The following DAZL variants were observed in gnomAD, a reference collection of about 807,000 sequenced individuals.
DAZL encodes the protein deleted in azoospermia like, also known as deleted in azoospermia-like.
Under a neutral mutation model 45.0 loss-of-function variants are expected in DAZL, and 4 were observed. The ratio of observed to expected loss-of-function variants is 0.09; its 90% CI spans 0.04 to 0.20. The LOEUF is 0.20. Ranked by LOEUF, DAZL falls within the 10% of genes least tolerant of loss-of-function variation. The pLI, the probability that DAZL is intolerant of heterozygous loss-of-function variation, is 1.00. For missense variants in DAZL, 326 were observed against 351.3 expected (o/e 0.93, Z 0.58); for synonymous variants, 122 against 112.4 (o/e 1.09, Z -0.54).
At chr3:16,601,833 T>G (rs1039706492) in intron 1 of DAZL, among the ~76,000 whole-genome samples, 7 of 152,214 alleles carry the variant, frequency 4.6e-5, no homozygotes, top group African/African-American at 1.7e-4. Context: ...CTTGTTATAT[T>G]TGGACAACCA....
At chr3:16,603,681 A>T (rs1694728220) in intron 1 of DAZL, among the ~76,000 whole-genome samples, 2 of 152,194 alleles carry the variant, frequency 1.3e-5, no homozygotes, top group African/African-American at 4.8e-5. Context: ...AAAAGTATTC[A>T]TCATAAGCGA....
chr3:16,588,634 C>T lies in DAZL; in HGVS notation c.*26G>A. 1 of 1,584,816 alleles carries T rather than the reference C, an allele frequency of 6.3e-7. No individual in the cohort carries two copies. Among genetic ancestry groups the T allele is most frequent in the Non-Finnish European group, 8.7e-7 (1 of 1,153,900 alleles). Reference sequence around the variant, plus strand: ...CTTAATATTCAAAACCAGCAACTTCCCATGTAACTAGATAAGCCAGGAGGA... The same window carrying T: ...CTTAATATTCAAAACCAGCAACTTCTCATGTAACTAGATAAGCCAGGAGGA... On this transcript the variant is annotated 3_prime_UTR_variant, in exon 11 of 11. Transcript: ENST00000399444.
rs121918346 is a variant in DAZL, at chr3:16,598,169, T to G, written c.160A>C (p.Thr54Pro). ...CTAGCAAAGAAGCTTCTAATCTCAG[T>G]TTCATCCATCTATGGAAAAGAATTG... Reference protein sequence around the residue: ...VGGIDVRMDETEIRSFFARYG... With the variant: ...VGGIDVRMDEPEIRSFFARYG... The change falls in exon 3 of 11, where the codon ACT (threonine) becomes CCT (proline). Residue 54 changes from threonine to proline, a missense_variant. This residue lies in a region of DAZL where 81 missense variants were observed against 89.6 expected (regional missense o/e 0.90). Coordinates refer to ENST00000399444, the MANE Select transcript of DAZL (RefSeq NM_001351.4). 1.3e-6 allele frequency: 2 copies of G among 1,595,384 alleles called. No individual in the cohort carries two copies.
At chr3:16,604,693 T>A (rs1575421691) in intron 1 of DAZL, 3 of 1,355,064 alleles carry the variant, frequency 2.2e-6, no homozygotes, top group African/African-American at 1.5e-5. Flanking sequence ...CCTCGAAGTT[T>A]AAGAAGGCAA....
chr3:16,596,953 T>A (rs1383916524), intron 5 of DAZL, 35 bp downstream of exon 5: 1 of 1,613,122 alleles, frequency 6.2e-7, no homozygotes. Context: ...CAATTTCTTT[T>A]ATGTTTAAAA....
intron 3 of DAZL, 49 bp from the exon 4 acceptor site, chr3:16,597,590 G>T: frequency 8.8e-7 from 1 of 1,130,340 alleles, no homozygotes; most frequent in Non-Finnish European, 1.4e-6. Context: ...TACAGTACAT[G>T]GTTCAGAACT....
intron 6 of DAZL, 65 bp downstream of exon 6, chr3:16,596,685 G>T (rs1694604907): frequency 1.3e-6 from 2 of 1,555,600 alleles, no homozygotes; most frequent in Non-Finnish European, 1.8e-6. Flanking sequence ...GAAATTGGAT[G>T]TAATTCCACA....
At chr3:16,596,630 A>G (rs1694604001) in intron 6 of DAZL, 120 bp downstream of exon 6, 2 of 1,083,824 alleles carry the variant, frequency 1.8e-6, no homozygotes, top group East Asian at 2.4e-5. Context: ...TAAATTTCCC[A>G]TCACTCAAAG....
rs547602499 is a variant in DAZL, at chr3:16,591,381, A to G, written c.834+669T>C. On this transcript the variant is annotated intron_variant, in intron 10 of 10. Coordinates refer to ENST00000399444, the MANE Select transcript of DAZL (RefSeq NM_001351.4). ...TTTTCTCCCTTCACACTGTTCAGGT[A>G]TATCTTCTGAGTAAACCATTTCTTT... Among the ~76,000 whole-genome samples the G allele has an allele frequency of 1.1e-4, 17 of 151,734 alleles. No homozygotes were observed. The East Asian group carries it at 1.4e-3, about 12-fold the overall frequency.
chr3:16,591,998 T>G, intron 10 of DAZL, 52 bp downstream of exon 10: 1 of 1,570,116 alleles, frequency 6.4e-7, no homozygotes, highest in Non-Finnish European at 8.8e-7. Context: ...AAACAGATAC[T>G]TTAAAGCTAA....
In DAZL at chr3:16,588,630, C is replaced by T. The variant is rs575429294; in HGVS notation, c.*30G>A. ...TTAGCTTAATATTCAAAACCAGCAA[C>T]TTCCCATGTAACTAGATAAGCCAGG... On this transcript the variant is annotated 3_prime_UTR_variant, in exon 11 of 11. Coordinates refer to ENST00000399444, the MANE Select transcript of DAZL (RefSeq NM_001351.4). 1.3e-6 allele frequency: 2 copies of T among 1,578,776 alleles called. No individual in the cohort carries two copies. The highest frequency in any genetic ancestry group is 2.2e-5 in the South Asian group (2 of 90,388).
intron 8 of DAZL, among the ~76,000 whole-genome samples, chr3:16,594,291 CTTATCA>C (rs1694564248): frequency 6.6e-6 from 1 of 151,944 alleles, no homozygotes; most frequent in Admixed American, 6.6e-5. Flanking sequence ...TAACTGAACA[CTTATCA>C]TTATGTGGAC....
chr3:16,604,472 T>C (rs1195431923), intron 1 of DAZL: 1 of 1,530,394 alleles, frequency 6.5e-7, no homozygotes, highest in East Asian at 2.5e-5. Flanking sequence ...AGGCGAGCTT[T>C]TCTGTCGCCG....
At chr3:16,604,653 G>A (rs1222903677) in intron 1 of DAZL, 3 of 1,368,006 alleles carry the variant, frequency 2.2e-6, no homozygotes, top group Non-Finnish European at 2.8e-6. Context: ...CAGGGACCAG[G>A]AGGGAACCAC....
chr3:16,598,931 C>A, intron 1 of DAZL, among the ~76,000 whole-genome samples: 1 of 151,806 alleles, frequency 6.6e-6, no homozygotes, highest in South Asian at 2.1e-4. Context: ...TTACATGCGC[C>A]CGACACCACG....
intron 10 of DAZL, among the ~76,000 whole-genome samples, chr3:16,590,701 T>TA (rs1400449344): frequency 2.0e-5 from 3 of 152,206 alleles, no homozygotes; most frequent in Non-Finnish European, 4.4e-5. Context: ...GAAGTTCTGA[T>TA]ACGTGCTAGA....
At chr3:16,600,256 T>G (rs1007724017) in intron 1 of DAZL, among the ~76,000 whole-genome samples, 1 of 152,200 alleles carries the variant, frequency 6.6e-6, no homozygotes, top group Non-Finnish European at 1.5e-5. Context: ...AGTAATTTTA[T>G]AGGAATTAAT....
chr3:16,605,052 C>T, intron 1 of DAZL, 151 bp downstream of exon 1: 2 of 1,092,242 alleles, frequency 1.8e-6, no homozygotes, highest in Admixed American at 1.7e-5. Flanking sequence ...CCTCTCCCAA[C>T]TCTGTGGGCC....
chr3:16,604,741 G>A (rs991802341), intron 1 of DAZL: 3 of 1,363,562 alleles, frequency 2.2e-6, no homozygotes, highest in East Asian at 2.8e-5. Flanking sequence ...GCGGAGCCAC[G>A]GGGAGAGCGC....
Sources: gnomAD v4.1 joint callset for allele counts (sites outside exome capture counted in the v4.1 genomes callset) on GRCh38, gnomAD v4.1.1 for gene constraint, gnomAD v4.1.1 regional missense constraint, MANE v1.5 for transcripts, NCBI Gene and HGNC (gene_info 2026-07-23, HGNC 2026-07-21) for gene names.